The following FGGY variants were observed in gnomAD, a reference collection of about 807,000 sequenced individuals.
FGGY encodes the protein FGGY carbohydrate kinase domain-containing protein.
In FGGY, 72 loss-of-function variants were observed where a neutral mutation model predicts 71.3. The ratio of observed to expected loss-of-function variants is 1.01; its 90% CI spans 0.84 to 1.23. The LOEUF (loss-of-function observed/expected upper bound fraction) is 1.23, where lower values mean the gene tolerates loss of function less well. Ranked by LOEUF, FGGY falls within the 50% of genes most tolerant of loss-of-function variation. FGGY has a pLI of 0.00. For synonymous variants in FGGY, 251 were observed against 250.3 expected (o/e 1.00, Z -0.02); for missense variants, 668 against 682.3 (o/e 0.98, Z 0.23).
At chr1:59,687,224 G>C (rs1427655606) in intron 14 of FGGY, among the ~76,000 whole-genome samples, 1 of 152,154 alleles carries the variant, frequency 6.6e-6, no homozygotes, top group Non-Finnish European at 1.5e-5. Flanking sequence ...CTTCACTACA[G>C]CAGCAGCTGC....
chr1:59,695,302 G>C (rs1048094586), intron 14 of FGGY, among the ~76,000 whole-genome samples: 1 of 152,186 alleles, frequency 6.6e-6, no homozygotes, highest in Non-Finnish European at 1.5e-5. Context: ...ATGACACCGG[G>C]AGCAGCGGCT....
intron 14 of FGGY, among the ~76,000 whole-genome samples, chr1:59,693,646 A>C (rs1469441536): frequency 1.3e-5 from 2 of 152,114 alleles, no homozygotes; most frequent in East Asian, 3.8e-4. Context: ...GAGAAGGAGA[A>C]GAGGAAGGAG....
intron 1 of FGGY, among the ~76,000 whole-genome samples, chr1:59,299,795 T>C (rs1160342117): frequency 6.6e-6 from 1 of 152,048 alleles, no homozygotes; most frequent in Non-Finnish European, 1.5e-5. Context: ...CTAATTCCAA[T>C]TGGCTAATTT....
chr1:59,636,512 A>G (rs866999951), intron 10 of FGGY, among the ~76,000 whole-genome samples: 47 of 152,002 alleles, frequency 3.1e-4, no homozygotes, highest in African/African-American at 1.1e-3. Context: ...GGTCCCAGCT[A>G]CTCGGGAGGC....
intron 8 of FGGY, among the ~76,000 whole-genome samples, chr1:59,555,100 A>G (rs2095664321): frequency 6.6e-6 from 1 of 152,212 alleles, no homozygotes; most frequent in Non-Finnish European, 1.5e-5. Flanking sequence ...TTCAGTTGAT[A>G]TAAATACATG....
intron 6 of FGGY, among the ~76,000 whole-genome samples, chr1:59,510,026 T>A (rs771131175): frequency 4.2e-5 from 6 of 144,064 alleles, no homozygotes; most frequent in Non-Finnish European, 8.9e-5. Context: ...TGCTCCTTTT[T>A]CTTTTTCTTT....
At chr1:59,694,962 G>A (rs2097644644) in intron 14 of FGGY, among the ~76,000 whole-genome samples, 2 of 152,172 alleles carry the variant, frequency 1.3e-5, no homozygotes, top group African/African-American at 4.8e-5. Context: ...GTTTTTCATG[G>A]AGCATCTTAC....
intron 4 of FGGY, among the ~76,000 whole-genome samples, chr1:59,374,100 A>G (rs1483275918): frequency 6.6e-6 from 1 of 152,210 alleles, no homozygotes; most frequent in Non-Finnish European, 1.5e-5. Context: ...AGAAACTACC[A>G]TCAGAGTGAA....
chr1:59,469,854 G>C (rs139257610), intron 6 of FGGY, among the ~76,000 whole-genome samples: 1 of 152,188 alleles, frequency 6.6e-6, no homozygotes, highest in East Asian at 1.9e-4. Flanking sequence ...GTGATATTTG[G>C]TTTTCTGTTC....
chr1:59,379,221 T>TA (rs1386550184), intron 5 of FGGY, among the ~76,000 whole-genome samples: 1 of 139,962 alleles, frequency 7.1e-6, no homozygotes, highest in Non-Finnish European at 1.6e-5. Context: ...AGGACAGGGA[T>TA]ACATTCAGAG....
chr1:59,662,322 A>AAAC, intron 12 of FGGY, among the ~76,000 whole-genome samples: 1 of 147,452 alleles, frequency 6.8e-6, no homozygotes, highest in Admixed American at 6.6e-5. Flanking sequence ...TCCATCTCAA[A>AAAC]AAAAAAAAAA....
At chr1:59,496,651 G>A (rs1248326113) in intron 6 of FGGY, among the ~76,000 whole-genome samples, 1 of 151,932 alleles carries the variant, frequency 6.6e-6, no homozygotes, top group Non-Finnish European at 1.5e-5. Flanking sequence ...TGTGTAACAA[G>A]CCTGCACATG....
chr1:59,578,779 C>T (rs2096130591), intron 8 of FGGY, among the ~76,000 whole-genome samples: 1 of 151,994 alleles, frequency 6.6e-6, no homozygotes, highest in African/African-American at 2.4e-5. Flanking sequence ...CTTCAATAAA[C>T]CAGAACACAC....
rs1164562164 is a variant in FGGY, at chr1:59,321,652, G to A, written c.103G>A (p.Ala35Thr). The A allele has an allele frequency of 6.2e-7, 1 of 1,613,410 alleles. No homozygotes were observed. Among genetic ancestry groups the A allele is most frequent in the East Asian group, 2.2e-5 (1 of 44,868 alleles). The change falls in exon 2 of 16, where the codon GCT becomes ACT. Residue 35 changes from alanine to threonine, a missense_variant. Ala to Thr is a moderately conservative substitution (Grantham distance 58, BLOSUM62 0). Transcript: ENST00000303721. ...GGTGGACCAGAGTGGGGTCCTGTTG[G>A]CTTTTGCAGACCAGCCAATTAAGAA... Reference protein sequence around the residue: ...ALVDQSGVLLAFADQPIKNWE... With the variant: ...ALVDQSGVLLTFADQPIKNWE...
At position 59,745,843 on chromosome 1, in the gene FGGY, A is replaced by G. The variant is rs2098192176; in HGVS notation, c.1513-12088A>G. ...ATGGAGATTCTGGAAGTTGCTTTAA[A>G]GTGGAGAAGGACATTTGCTAAGAAT... On this transcript the variant is annotated intron_variant, in intron 14 of 15. Coordinates refer to ENST00000303721, the MANE Select transcript of FGGY (RefSeq NM_018291.5). Among the ~76,000 whole-genome samples the G allele has an allele frequency of 2.6e-5, 4 of 152,226 alleles. No individual in the cohort carries two copies. The South Asian group carries it at 8.3e-4, about 32-fold the overall frequency.
chr1:59,695,220 A>G (rs1271991717), intron 14 of FGGY, among the ~76,000 whole-genome samples: 2 of 152,196 alleles, frequency 1.3e-5, no homozygotes, highest in Non-Finnish European at 2.9e-5. Flanking sequence ...TGGTGGGCCT[A>G]CTGGGGAGAG....
At chr1:59,646,966 C>G (rs1335176881) in intron 11 of FGGY, among the ~76,000 whole-genome samples, 1 of 152,196 alleles carries the variant, frequency 6.6e-6, no homozygotes, top group East Asian at 1.9e-4. Context: ...AATTCTATCA[C>G]AGAATCAGAC....
chr1:59,729,618 T>C (rs1162933435), intron 14 of FGGY, among the ~76,000 whole-genome samples: 11 of 152,190 alleles, frequency 7.2e-5, no homozygotes, highest in Admixed American at 6.6e-5. Context: ...GTCCCTAAGA[T>C]CTCCTCCTTA....
At chr1:59,449,704 T>C (rs1324216112) in intron 5 of FGGY, among the ~76,000 whole-genome samples, 1 of 152,148 alleles carries the variant, frequency 6.6e-6, no homozygotes, top group African/African-American at 2.4e-5. Context: ...ACCTCACACC[T>C]GTAATCCCAG....
Sources: gnomAD v4.1 joint callset for allele counts (sites outside exome capture counted in the v4.1 genomes callset) on GRCh38, gnomAD v4.1.1 for gene constraint, MANE v1.5 for transcripts, NCBI Gene and HGNC (gene_info 2026-07-23, HGNC 2026-07-21) for gene names.